PDPK1: variants seen among roughly 807,000 people sequenced by gnomAD.
PDPK1 encodes 3-phosphoinositide-dependent protein kinase 1.
PDPK1 carries 7 observed loss-of-function variants against 39.8 expected under a neutral mutation model. That is an observed-to-expected ratio of 0.18 (90% CI 0.10 to 0.33). PDPK1 has a LOEUF of 0.33. PDPK1 is among the 10% of genes least tolerant of loss of function. PDPK1 has a pLI of 1.00. For missense variants in PDPK1, 182 were observed against 384.7 expected (o/e 0.47, Z 4.41); for synonymous variants, 118 against 159.1 (o/e 0.74, Z 1.95).
intron 1 of PDPK1, among the ~76,000 whole-genome samples, chr16:2,544,227 C>T (rs973169730): frequency 6.6e-6 from 1 of 152,158 alleles, no homozygotes; most frequent in Non-Finnish European, 1.5e-5. Flanking sequence ...GTGTTTCTAC[C>T]TGAAGAGACC....
intron 11 of PDPK1, among the ~76,000 whole-genome samples, chr16:2,587,383 AT>A: frequency 6.6e-6 from 1 of 152,284 alleles, no homozygotes; most frequent in Middle Eastern, 3.4e-3. Flanking sequence ...GAGTGTTTTG[AT>A]GCTCCAAAAA....
At position 2,599,093 on chromosome 16, in the gene PDPK1, CACAG is replaced by C. The variant is rs1244158305; in HGVS notation, c.*1331_*1334del. The C allele has an allele frequency of 8.6e-6, 2 of 233,360 alleles. No individual in the cohort carries two copies. The highest frequency in any genetic ancestry group is 6.0e-5 in the East Asian group (1 of 16,620). 14.5% of individuals were successfully genotyped at this position (233,360 alleles called of 1,614,324 possible). A position where few individuals can be genotyped will look rare whatever the true frequency, so the allele number is the denominator to read the frequency against. On this transcript the variant is annotated 3_prime_UTR_variant, in exon 14 of 14. Coordinates refer to ENST00000342085, the MANE Select transcript of PDPK1 (RefSeq NM_002613.5). ...TTGGTGGCCTTGCCCCGCTCTGCAG[CACAG>C]ACAGGCCAGATGCATTTGTCCTTTG...
chr16:2,585,441 G>T (rs544542420), intron 10 of PDPK1, among the ~76,000 whole-genome samples: 95 of 152,310 alleles, frequency 6.2e-4, no homozygotes, highest in African/African-American at 2.2e-3. Context: ...CTCCCTGCAG[G>T]GCCGCACCCC....
intron 1 of PDPK1, among the ~76,000 whole-genome samples, chr16:2,545,334 C>CT (rs1384598110): frequency 7.3e-5 from 11 of 151,422 alleles, no homozygotes; most frequent in African/African-American, 2.2e-4. Context: ...TTCTTTCTCT[C>CT]TCTTTTTTTT....
At position 2,593,399 on chromosome 16, in the gene PDPK1, T is replaced by C; in HGVS notation, c.1344-2394T>C. The C allele has an allele frequency of 3.1e-6, 1 of 322,812 alleles. No homozygotes were observed. Among genetic ancestry groups the C allele is most frequent in the Non-Finnish European group, 6.0e-6 (1 of 167,612 alleles). 20.0% of individuals were successfully genotyped at this position (322,812 alleles called of 1,614,324 possible). A position where few individuals can be genotyped will look rare whatever the true frequency, so the allele number is the denominator to read the frequency against. On this transcript the variant is annotated intron_variant, in intron 11 of 13. Transcript: ENST00000342085. The surrounding 1 kb of genome is among the most constrained non-coding windows in gnomAD (Gnocchi z 4.2). The stretch of plus-strand genomic sequence containing the variant: ...CCCAGCTGTGGTCCTGGTGGTTTTT[T>C]AGGTGGAGGTGGTTTCGTCCTCTTT...
intron 1 of PDPK1, among the ~76,000 whole-genome samples, chr16:2,546,351 T>C (rs1317053232): frequency 1.4e-5 from 2 of 138,734 alleles, no homozygotes; most frequent in Non-Finnish European, 1.6e-5. Flanking sequence ...CAAAGTGCTT[T>C]GAGACAGAGT....
intron 1 of PDPK1, among the ~76,000 whole-genome samples, chr16:2,552,017 A>G (rs1238518411): frequency 6.6e-6 from 1 of 151,256 alleles, no homozygotes; most frequent in Non-Finnish European, 1.5e-5. Context: ...GTTCTTAAAA[A>G]GAGATGGGGT....
rs1377001106 is a variant in PDPK1, at chr16:2,593,163, C to T, written c.1344-2630C>T. The T allele has an allele frequency of 2.2e-6, 1 of 452,596 alleles. No individual in the cohort carries two copies. Among genetic ancestry groups the T allele is most frequent in the African/African-American group, 2.0e-5 (1 of 49,840 alleles). 28.0% of individuals were successfully genotyped at this position (452,596 alleles called of 1,614,324 possible). A position where few individuals can be genotyped will look rare whatever the true frequency, so the allele number is the denominator to read the frequency against. On this transcript the variant is annotated intron_variant, in intron 11 of 13. Coordinates refer to ENST00000342085, the MANE Select transcript of PDPK1 (RefSeq NM_002613.5). This position sits in a 1 kb window ranked among gnomAD's most constrained non-coding sequence, Gnocchi z 4.2. Reference sequence around the variant, plus strand: ...CTGCACGCCCGTGCCTGTGGCATGCCCAGATGATCAGGGTGGAGCGGCCCA... The same window carrying T: ...CTGCACGCCCGTGCCTGTGGCATGCTCAGATGATCAGGGTGGAGCGGCCCA...
At chr16:2,579,620 CAT>C (rs946324039) in intron 7 of PDPK1, 4 of 123,562 alleles carry the variant, frequency 3.2e-5, no homozygotes, top group East Asian at 2.7e-4. Flanking sequence ...ATTTTTTAAT[CAT>C]GTGATATTAA....
chr16:2,597,377 G>C lies in PDPK1; in HGVS notation c.1554+102G>C. On this transcript the variant is annotated intron_variant, in intron 13 of 13. Coordinates refer to ENST00000342085, the MANE Select transcript of PDPK1 (RefSeq NM_002613.5). The surrounding 1 kb of genome is among the most constrained non-coding windows in gnomAD (Gnocchi z 6.3). Reference sequence around the variant, plus strand: ...TTGGCCAGAGGGAGCAGCGGGGATCGGGGCAGCTGCCTCGCCCTTTCCGAC... The same window carrying C: ...TTGGCCAGAGGGAGCAGCGGGGATCCGGGCAGCTGCCTCGCCCTTTCCGAC... 15 of 1,084,642 alleles carry C rather than the reference G, an allele frequency of 1.4e-5. No homozygotes were observed. The South Asian group carries it at 1.7e-4, about 12-fold the overall frequency. 67.2% of individuals were successfully genotyped at this position (1,084,642 alleles called of 1,614,324 possible). A position where few individuals can be genotyped will look rare whatever the true frequency, so the allele number is the denominator to read the frequency against.
At chr16:2,538,750 G>C (rs1005915102) in intron 1 of PDPK1, 149 of 1,286,384 alleles carry the variant, frequency 1.2e-4, no homozygotes, top group Non-Finnish European at 1.5e-4. Flanking sequence ...CAGGATCACC[G>C]AGGGGAAAGT....
chr16:2,601,506 G>T lies in PDPK1; in HGVS notation c.*3739G>T. ...TCGTGTCCACAATGGTACTGAATTT[G>T]CATCTGCACAGTCAGCAGAGATAAC... is the stretch of plus-strand genomic sequence containing the variant. On this transcript the variant is annotated 3_prime_UTR_variant, in exon 14 of 14. Transcript: ENST00000342085. 1 of 234,458 alleles carries T rather than the reference G, an allele frequency of 4.3e-6. No individual in the cohort carries two copies. Among genetic ancestry groups the T allele is most frequent in the Non-Finnish European group, 8.5e-6 (1 of 117,858 alleles). 14.5% of individuals were successfully genotyped at this position (234,458 alleles called of 1,614,324 possible). A position where few individuals can be genotyped will look rare whatever the true frequency, so the allele number is the denominator to read the frequency against.
intron 12 of PDPK1, among the ~76,000 whole-genome samples, chr16:2,596,114 G>T (rs1398100689): frequency 4.6e-5 from 7 of 152,252 alleles, no homozygotes; most frequent in Non-Finnish European, 1.5e-5. Flanking sequence ...TTTCCGTCAA[G>T]TTGAAGAGGC....
intron 11 of PDPK1, among the ~76,000 whole-genome samples, chr16:2,592,112 C>T (rs1316912816): frequency 6.6e-6 from 1 of 152,328 alleles, no homozygotes. Flanking sequence ...CTGGGCGTGG[C>T]AGGTGCTTTG....
chr16:2,594,826 C>T (rs1367011350), intron 11 of PDPK1, among the ~76,000 whole-genome samples: 3 of 151,820 alleles, frequency 2.0e-5, no homozygotes, highest in East Asian at 3.9e-4. Context: ...ACTAAAAATA[C>T]AAAAAAATTA....
intron 11 of PDPK1, chr16:2,592,457 G>A (rs2067009088): frequency 3.3e-6 from 1 of 300,584 alleles, no homozygotes; most frequent in Non-Finnish European, 6.5e-6. Context: ...GCAGGAGACA[G>A]TAGAAAATCA....
chr16:2,546,441 C>T (rs2066348644), intron 1 of PDPK1, among the ~76,000 whole-genome samples: 1 of 152,208 alleles, frequency 6.6e-6, no homozygotes, highest in Non-Finnish European at 1.5e-5. Context: ...TCAAGCGATT[C>T]TCCTGCCTCA....
Position 2,593,128 on chromosome 16 carries a change from A to G in PDPK1, c.1344-2665A>G. 2.2e-6 allele frequency: 1 copy of G among 454,946 alleles called. No homozygotes were observed. Among genetic ancestry groups the G allele is most frequent in the Non-Finnish European group, 4.4e-6 (1 of 226,924 alleles). 28.2% of individuals were successfully genotyped at this position (454,946 alleles called of 1,614,324 possible). ...CCCCAGGCTGCAGGTGCCGAGCGGGAGCACCACTCCTGCACGCCCGTGCCT... is the reference window on the plus strand; with the variant it reads ...CCCCAGGCTGCAGGTGCCGAGCGGGGGCACCACTCCTGCACGCCCGTGCCT... On this transcript the variant is annotated intron_variant, in intron 11 of 13. Transcript: ENST00000342085. The surrounding 1 kb of genome is among the most constrained non-coding windows in gnomAD (Gnocchi z 4.2).
At chr16:2,540,394 GTGT>G (rs1411236184) in intron 1 of PDPK1, among the ~76,000 whole-genome samples, 2 of 152,306 alleles carry the variant, frequency 1.3e-5, no homozygotes, top group African/African-American at 2.4e-5. Context: ...TGCGAGGTAG[GTGT>G]TGTTCCCATT....
Sources: allele counts gnomAD v4.1 joint callset (sites outside exome capture counted in the v4.1 genomes callset), GRCh38; gene constraint gnomAD v4.1.1; non-coding constraint Gnocchi (gnomAD v3.1); transcripts MANE v1.5; gene names NCBI Gene and HGNC (gene_info 2026-07-23, HGNC 2026-07-21).